The following PSD3 variants were observed in gnomAD, a reference collection of about 807,000 sequenced individuals.
PSD3 encodes PH and SEC7 domain-containing protein 3.
A neutral mutation model predicts 105.5 loss-of-function variants in PSD3; 49 were observed. The observed-to-expected ratio is 0.46, with a 90% CI of 0.37 to 0.59. The LOEUF is 0.59. Among genes scored for constraint, PSD3 ranks in the 20% least tolerant of loss-of-function variants. The pLI is 0.00. For missense variants in PSD3, 1,561 were observed against 1,263.8 expected (o/e 1.24, Z -3.57); for synonymous variants, 557 against 457.8 (o/e 1.22, Z -2.77).
At chr8:18,536,979 G>A (rs765499918) in intron 15 of PSD3, among the ~76,000 whole-genome samples, 1 of 152,170 alleles carries the variant, frequency 6.6e-6, no homozygotes, top group Non-Finnish European at 1.5e-5. Context: ...GGCAAATTCT[G>A]TTTTGACTAT....
intron 12 of PSD3, among the ~76,000 whole-genome samples, chr8:18,587,506 T>C (rs1327482970): frequency 1.3e-5 from 2 of 152,308 alleles, no homozygotes; most frequent in African/African-American, 4.8e-5. Context: ...ACTCTTTGAA[T>C]ATGCCATATT....
In PSD3 at chr8:18,636,215, T is replaced by C. The variant is rs142132950; in HGVS notation, c.2217-3409A>G. ...AGCGTGTGTATTTGTGTTCTAATTATTTTTATTATTTAAACTCTTAGGCTA... is the reference window on the plus strand; with the variant it reads ...AGCGTGTGTATTTGTGTTCTAATTACTTTTATTATTTAAACTCTTAGGCTA... On this transcript the variant is annotated intron_variant, in intron 10 of 15. Transcript: ENST00000327040. 3.1e-3 allele frequency among the ~76,000 whole-genome samples: 477 copies of C among 152,258 alleles called. 1 individual carries two copies. The highest frequency in any genetic ancestry group is 0.011 in the African/African-American group (450 of 41,544).
chr8:19,010,096 C>T (rs1826882836), intron 1 of PSD3, among the ~76,000 whole-genome samples: 3 of 152,222 alleles, frequency 2.0e-5, no homozygotes, highest in Admixed American at 2.0e-4. Flanking sequence ...ATTCATCTCA[C>T]TGATGTACAC....
intron 1 of PSD3, among the ~76,000 whole-genome samples, chr8:18,979,415 G>C (rs931293605): frequency 2.0e-5 from 3 of 152,170 alleles, no homozygotes; most frequent in African/African-American, 7.2e-5. Context: ...CTCAACCAGA[G>C]AACTGTTGGC....
intron 15 of PSD3, among the ~76,000 whole-genome samples, chr8:18,546,990 T>C (rs990656186): frequency 6.6e-6 from 1 of 152,190 alleles, no homozygotes; most frequent in Non-Finnish European, 1.5e-5. Flanking sequence ...CAAGAGCAGG[T>C]ATGCCTTTGG....
At chr8:18,753,603 A>C (rs1805782483) in intron 9 of PSD3, among the ~76,000 whole-genome samples, 1 of 152,202 alleles carries the variant, frequency 6.6e-6, no homozygotes, top group African/African-American at 2.4e-5. Context: ...AAATGTTTTA[A>C]ATAACAGTAA....
intron 2 of PSD3, among the ~76,000 whole-genome samples, chr8:18,873,452 A>G (rs1817525583): frequency 1.3e-5 from 2 of 148,192 alleles, no homozygotes; most frequent in South Asian, 4.4e-4. Context: ...ATATGTTTAC[A>G]TATATAAAGT....
At chr8:18,651,855 C>T (rs77652564) in intron 10 of PSD3, among the ~76,000 whole-genome samples, 4,824 of 152,130 alleles carry the variant, frequency 0.032, 67 homozygotes, top group East Asian at 0.062. Flanking sequence ...GAATGGAGAA[C>T]AAAATCAATT....
intron 2 of PSD3, among the ~76,000 whole-genome samples, chr8:18,916,446 C>G (rs1029591145): frequency 6.8e-6 from 1 of 147,628 alleles, no homozygotes; most frequent in East Asian, 2.0e-4. Context: ...ACGGATAAAC[C>G]TAGAGGACAT....
intron 1 of PSD3, among the ~76,000 whole-genome samples, chr8:18,947,423 G>C (rs1022837951): frequency 2.0e-5 from 3 of 152,136 alleles, no homozygotes; most frequent in Admixed American, 2.0e-4. Flanking sequence ...AGCCCCTGGA[G>C]GTCCATTCTC....
At chr8:18,942,482 T>C (rs11783168) in intron 1 of PSD3, among the ~76,000 whole-genome samples, 5,476 of 152,306 alleles carry the variant, frequency 0.036, 138 homozygotes, top group South Asian at 0.065. Flanking sequence ...GGCTGAATTG[T>C]GTCCCCCCAA....
chr8:18,746,387 C>G (rs1479692243), intron 9 of PSD3, among the ~76,000 whole-genome samples: 15 of 152,008 alleles, frequency 9.9e-5, no homozygotes, highest in Admixed American at 9.8e-4. Flanking sequence ...ATCCTCCTCA[C>G]CCTTCCATGC....
chr8:18,663,568 T>C (rs1049700126), intron 9 of PSD3, among the ~76,000 whole-genome samples: 2 of 152,234 alleles, frequency 1.3e-5, no homozygotes, highest in Non-Finnish European at 2.9e-5. Context: ...ATCAATAAGA[T>C]GTATTCAAAC....
At chr8:18,618,181 A>AGCCGTATTTGATTGCTC (rs780571336) in intron 11 of PSD3, among the ~76,000 whole-genome samples, 2 of 151,834 alleles carry the variant, frequency 1.3e-5, no homozygotes, top group Admixed American at 6.6e-5. Flanking sequence ...GCAATTGACA[A>AGCCGTATTTGATTGCTC]TCAGGAAATC....
At chr8:18,969,342 G>A (rs1216813420) in intron 1 of PSD3, among the ~76,000 whole-genome samples, 3 of 152,066 alleles carry the variant, frequency 2.0e-5, no homozygotes, top group Non-Finnish European at 4.4e-5. Flanking sequence ...TCTAAATTTC[G>A]ATGCAACAGC....
At chr8:18,704,854 T>C (rs1171061553) in intron 9 of PSD3, among the ~76,000 whole-genome samples, 1 of 152,040 alleles carries the variant, frequency 6.6e-6, no homozygotes, top group African/African-American at 2.4e-5. Flanking sequence ...AAGGTAATAA[T>C]AATGTTTAAA....
chr8:18,657,326 T>C (rs1044700828), intron 9 of PSD3, among the ~76,000 whole-genome samples: 2 of 152,252 alleles, frequency 1.3e-5, no homozygotes, highest in African/African-American at 4.8e-5. Context: ...AGTTGTAGAA[T>C]TTATATTATT....
chr8:18,564,228 T>C (rs764858674), intron 14 of PSD3, among the ~76,000 whole-genome samples: 4 of 152,188 alleles, frequency 2.6e-5, no homozygotes, highest in Non-Finnish European at 4.4e-5. Flanking sequence ...TATTAAAAGA[T>C]ATCTGCTGAA....
chr8:18,540,403 G>A (rs887977479), intron 15 of PSD3, among the ~76,000 whole-genome samples: 1 of 152,146 alleles, frequency 6.6e-6, no homozygotes, highest in Non-Finnish European at 1.5e-5. Flanking sequence ...GTATGCCTGT[G>A]TCTGTAACCA....
Sources: allele counts gnomAD v4.1 joint callset (sites outside exome capture counted in the v4.1 genomes callset), GRCh38; gene constraint gnomAD v4.1.1; transcripts MANE v1.5; gene names NCBI Gene and HGNC (gene_info 2026-07-23, HGNC 2026-07-21).